PHAF1: variants seen among roughly 807,000 people sequenced by gnomAD.
PHAF1 encodes the protein phagosome assembly factor 1.
Under a neutral mutation model 63.1 loss-of-function variants are expected in PHAF1, and 23 were observed. The ratio of observed to expected loss-of-function variants is 0.36; its 90% CI spans 0.26 to 0.52. The LOEUF (loss-of-function observed/expected upper bound fraction) is 0.52, where lower values mean the gene tolerates loss of function less well. Ranked by LOEUF, PHAF1 falls within the 20% of genes least tolerant of loss-of-function variation. The pLI, the probability that PHAF1 is intolerant of heterozygous loss-of-function variation, is 0.93. For synonymous variants in PHAF1, 167 were observed against 185.0 expected, an observed-to-expected ratio of 0.90 and a Z score of 0.79; for missense variants, 427 against 517.2, an observed-to-expected ratio of 0.83 and a Z score of 1.69.
At chr16:67,134,972 G>A (rs1963557303) in intron 8 of PHAF1, 1 of 328,780 alleles carries the variant, frequency 3.0e-6, no homozygotes, top group Admixed American at 4.4e-5. Flanking sequence ...GTTTAGTTTT[G>A]TCAAGGGACT....
intron 6 of PHAF1, 68 bp from the exon 7 acceptor site, chr16:67,134,100 G>C: frequency 7.5e-7 from 1 of 1,336,814 alleles, no homozygotes; most frequent in Non-Finnish European, 1.1e-6. Flanking sequence ...ATGAGTGACA[G>C]GGAAGACCAG....
chr16:67,145,031 G>C (rs1265326858), intron 12 of PHAF1, among the ~76,000 whole-genome samples, 154 bp downstream of exon 12: 1 of 152,190 alleles, frequency 6.6e-6, no homozygotes, highest in Non-Finnish European at 1.5e-5. Context: ...GGGGGCTGCA[G>C]TGTTCTTGGT....
intron 1 of PHAF1, among the ~76,000 whole-genome samples, chr16:67,115,153 C>G (rs960543919): frequency 6.6e-6 from 1 of 152,178 alleles, no homozygotes; most frequent in African/African-American, 2.4e-5. Context: ...AGTGTTCTAC[C>G]TAATTGCTTT....
At chr16:67,113,876 T>C (rs997063598) in intron 1 of PHAF1, among the ~76,000 whole-genome samples, 2 of 151,968 alleles carry the variant, frequency 1.3e-5, no homozygotes, top group African/African-American at 4.8e-5. Flanking sequence ...GGTAATTTTT[T>C]ACTTTTAGTA....
chr16:67,112,553 A>G (rs959737794), intron 1 of PHAF1, among the ~76,000 whole-genome samples: 78 of 152,004 alleles, frequency 5.1e-4, no homozygotes, highest in African/African-American at 1.8e-3. Context: ...CAAAAAAAAA[A>G]AGTAGTTACT....
intron 1 of PHAF1, among the ~76,000 whole-genome samples, chr16:67,115,559 G>A (rs2145819047): frequency 6.6e-6 from 1 of 152,340 alleles, no homozygotes; most frequent in Non-Finnish European, 1.5e-5. Flanking sequence ...TGCCTGCAAT[G>A]GGAAGCCATT....
chr16:67,122,980 T>C (rs1232056936), intron 2 of PHAF1, among the ~76,000 whole-genome samples: 1 of 151,868 alleles, frequency 6.6e-6, no homozygotes, highest in African/African-American at 2.4e-5. Flanking sequence ...CCGCCCGTCT[T>C]GTCCTCCCAA....
At chr16:67,130,172 C>T (rs988254179) in intron 3 of PHAF1, among the ~76,000 whole-genome samples, 46 of 151,860 alleles carry the variant, frequency 3.0e-4, no homozygotes, top group Admixed American at 2.6e-3. Context: ...TCAGCCTCCT[C>T]AGTAGCTGGG....
chr16:67,126,136 A>G (rs147740726), intron 3 of PHAF1, 94 bp downstream of exon 3: 123 of 971,172 alleles, frequency 1.3e-4, no homozygotes, highest in Middle Eastern at 4.2e-4. Context: ...TTCAAAACTT[A>G]TAAGTAGGTG....
chr16:67,139,778 G>C (rs1278168829), intron 8 of PHAF1: 1 of 571,224 alleles, frequency 1.8e-6, no homozygotes, highest in Non-Finnish European at 3.1e-6. Context: ...ACATGTGGGG[G>C]ATTGAATAAG....
intron 2 of PHAF1, among the ~76,000 whole-genome samples, chr16:67,125,484 TACAA>T (rs1173051075): frequency 6.6e-6 from 1 of 152,220 alleles, no homozygotes; most frequent in Non-Finnish European, 1.5e-5. Context: ...CTGTGGATGG[TACAA>T]ACAGCCTGAG....
At chr16:67,132,248 A>G (rs1194243118) in intron 4 of PHAF1, 198 bp from the exon 5 acceptor site, 4 of 556,342 alleles carry the variant, frequency 7.2e-6, no homozygotes, top group African/African-American at 1.9e-5. Context: ...AACTCTGTAT[A>G]TCAGCCTCAT....
chr16:67,116,685 A>T (rs1384553484), intron 1 of PHAF1, among the ~76,000 whole-genome samples: 3 of 152,200 alleles, frequency 2.0e-5, no homozygotes, highest in African/African-American at 7.2e-5. Flanking sequence ...CCTAGTCTCT[A>T]CCAAAAATTT....
At chr16:67,114,371 A>C (rs1025040438) in intron 1 of PHAF1, among the ~76,000 whole-genome samples, 31 of 151,888 alleles carry the variant, frequency 2.0e-4, no homozygotes, top group Non-Finnish European at 2.4e-4. Flanking sequence ...AAAAGAAATG[A>C]TCTTATTCCC....
intron 2 of PHAF1, among the ~76,000 whole-genome samples, chr16:67,122,378 C>T (rs538479675): frequency 7.9e-5 from 12 of 152,012 alleles, no homozygotes; most frequent in East Asian, 3.9e-4. Flanking sequence ...TCGGGAGGGC[C>T]GAGGCAGGAA....
chr16:67,132,136 T>G (rs1034834636), intron 4 of PHAF1: 19 of 224,714 alleles, frequency 8.5e-5, no homozygotes, highest in African/African-American at 3.9e-4. Flanking sequence ...AGGTTCTAGT[T>G]GTCTTTTAGT....
At position 67,110,217 on chromosome 16, in the gene PHAF1, C is replaced by T. The variant is rs1288076835; in HGVS notation, c.42C>T (p.Asn14=). ...LEVVPERSLG[N]EQWEFTLGMP... ...TAGTGCCCGAACGCTCTCTGGGGAA[C>T]GAGCAATGGGAATTCACGCTGGGTG... The change falls in exon 1 of 16, where the codon AAC becomes AAT. Residue 14 remains asparagine (N), a synonymous_variant. Transcript: ENST00000219139. The T allele has an allele frequency of 3.2e-5, 49 of 1,552,594 alleles. No homozygotes were observed. The highest frequency in any genetic ancestry group is 4.2e-5 in the Non-Finnish European group (48 of 1,147,614).
chr16:67,135,579 A>T (rs1403896871), intron 8 of PHAF1: 1 of 152,134 alleles, frequency 6.6e-6, no homozygotes, highest in African/African-American at 2.4e-5. Context: ...CCTGGGCTCA[A>T]GTGATCTCAC....
Position 67,147,205 on chromosome 16 carries a change from CCT to C in PHAF1, c.*75_*76del. 1 of 1,427,358 alleles carries C rather than the reference CCT, an allele frequency of 7.0e-7. No individual in the cohort carries two copies. The highest frequency in any genetic ancestry group is 1.2e-5 in the South Asian group (1 of 84,422). 88.4% of individuals were successfully genotyped at this position (1,427,358 alleles called of 1,614,324 possible). A position where few individuals can be genotyped will look rare whatever the true frequency, so the allele number is the denominator to read the frequency against. On this transcript the variant is annotated 3_prime_UTR_variant, in exon 16 of 16. Coordinates refer to ENST00000219139, the MANE Select transcript of PHAF1 (RefSeq NM_025187.5). Reference sequence around the variant, plus strand: ...CCTGCTCAGTGGGCCTCTGTACCACCCTGTGGGTTTTCTTGGACACCTGGCCA... The same window carrying C: ...CCTGCTCAGTGGGCCTCTGTACCACCGTGGGTTTTCTTGGACACCTGGCCA...
Sources: allele counts gnomAD v4.1 joint callset (sites outside exome capture counted in the v4.1 genomes callset), GRCh38; gene constraint gnomAD v4.1.1; transcripts MANE v1.5; gene names NCBI Gene and HGNC (gene_info 2026-07-23, HGNC 2026-07-21).